The following EFNA5 variants were observed in gnomAD, a reference collection of about 807,000 sequenced individuals.
EFNA5 encodes the protein ephrin-A5.
A neutral mutation model predicts 22.9 loss-of-function variants in EFNA5; 5 were observed. That is an observed-to-expected ratio of 0.22 (90% CI 0.11 to 0.46). The LOEUF (loss-of-function observed/expected upper bound fraction) is 0.46. Ranked by LOEUF, EFNA5 falls within the 20% of genes least tolerant of loss-of-function variation. The probability of loss-of-function intolerance (pLI) is 0.99; values close to 1 mark genes in which losing one functional copy is unlikely to be tolerated. For missense variants in EFNA5, 237 were observed against 293.3 expected (o/e 0.81, Z 1.40); for synonymous variants, 113 against 112.2 (o/e 1.01, Z -0.04).
At chr5:107,658,122 A>C (rs1028117597) in intron 1 of EFNA5, among the ~76,000 whole-genome samples, 1 of 152,156 alleles carries the variant, frequency 6.6e-6, no homozygotes, top group African/African-American at 2.4e-5. Context: ...AGGCTCCTGA[A>C]AGCCACCCAC....
At chr5:107,535,964 A>C (rs1304985124) in intron 1 of EFNA5, among the ~76,000 whole-genome samples, 1 of 152,190 alleles carries the variant, frequency 6.6e-6, no homozygotes, top group Non-Finnish European at 1.5e-5. Flanking sequence ...TTTAAGGCAC[A>C]GTGCACCCTC....
chr5:107,659,613 T>C (rs747932066), intron 1 of EFNA5, among the ~76,000 whole-genome samples: 1 of 150,812 alleles, frequency 6.6e-6, no homozygotes, highest in Non-Finnish European at 1.5e-5. Context: ...AATAGAGAGA[T>C]TTACATAATA....
In EFNA5 at chr5:107,547,063, C is replaced by A. The variant is rs573419078; in HGVS notation, c.126-119554G>T. Among the ~76,000 whole-genome samples, 2 of 152,268 alleles carry A rather than the reference C, an allele frequency of 1.3e-5. 1 individual carries two copies. Among genetic ancestry groups the A allele is most frequent in the African/African-American group, 4.8e-5 (2 of 41,556 alleles). ...CACACAGACAAGCTCAAACTGACAA[C>A]CAAGCAACCACCAGTGGACTGTTTC... On this transcript the variant is annotated intron_variant, in intron 1 of 4. Transcript: ENST00000333274.
chr5:107,650,310 CTTG>C (rs1314396902), intron 1 of EFNA5, among the ~76,000 whole-genome samples: 2 of 152,280 alleles, frequency 1.3e-5, no homozygotes, highest in African/African-American at 4.8e-5. Flanking sequence ...CTTCCCCTTA[CTTG>C]TTGTCTCTCT....
At chr5:107,650,481 T>C (rs1017910087) in intron 1 of EFNA5, among the ~76,000 whole-genome samples, 1 of 152,156 alleles carries the variant, frequency 6.6e-6, no homozygotes, top group Non-Finnish European at 1.5e-5. Flanking sequence ...AGTGAGGGAT[T>C]TGGGACACAA....
intron 1 of EFNA5, among the ~76,000 whole-genome samples, chr5:107,655,951 C>A (rs148121222): frequency 2.0e-5 from 3 of 152,088 alleles, no homozygotes; most frequent in African/African-American, 7.2e-5. Flanking sequence ...TCAAGCAGAG[C>A]GTCAAGAGGT....
intron 1 of EFNA5, among the ~76,000 whole-genome samples, chr5:107,559,496 C>T (rs188114523): frequency 1.3e-5 from 2 of 152,178 alleles, no homozygotes; most frequent in Admixed American, 1.3e-4. Flanking sequence ...CACTCCCTAA[C>T]AGTTCTCTCA....
chr5:107,426,473 C>T (rs891158121), intron 2 of EFNA5, among the ~76,000 whole-genome samples: 4 of 152,098 alleles, frequency 2.6e-5, no homozygotes, highest in African/African-American at 7.2e-5. Context: ...ACACTATGCA[C>T]GGTGAAGTTT....
intron 1 of EFNA5, among the ~76,000 whole-genome samples, chr5:107,631,019 T>A (rs745354799): frequency 6.6e-6 from 1 of 152,164 alleles, no homozygotes; most frequent in Non-Finnish European, 1.5e-5. Context: ...TGTCACCTCC[T>A]ATGGTAACAA....
At chr5:107,665,253 G>A (rs1455106490) in intron 1 of EFNA5, among the ~76,000 whole-genome samples, 1 of 152,182 alleles carries the variant, frequency 6.6e-6, no homozygotes, top group Non-Finnish European at 1.5e-5. Flanking sequence ...GGGAGAAAAG[G>A]AGGCGCCCAT....
chr5:107,583,618 T>C (rs1166480078), intron 1 of EFNA5, among the ~76,000 whole-genome samples: 1 of 152,146 alleles, frequency 6.6e-6, no homozygotes. Context: ...TGGGTTACAC[T>C]ATGGCTAGGG....
chr5:107,566,740 C>A lies in EFNA5; in HGVS notation c.125+103749G>T, dbSNP rs373728867. On this transcript the variant is annotated intron_variant, in intron 1 of 4. Coordinates refer to ENST00000333274, the MANE Select transcript of EFNA5 (RefSeq NM_001962.3). Reference sequence around the variant, plus strand: ...TAGGGGAAGCAGAGGAGGATAAACACTGCCTGCGATACCATTTGGGTTTTA... The same window carrying A: ...TAGGGGAAGCAGAGGAGGATAAACAATGCCTGCGATACCATTTGGGTTTTA... Among the ~76,000 whole-genome samples, 25 of 152,348 alleles carry A rather than the reference C, an allele frequency of 1.6e-4. 1 individual carries two copies. The South Asian group carries it at 5.0e-3, about 30-fold the overall frequency.
chr5:107,467,067 A>C (rs1393502902), intron 1 of EFNA5, among the ~76,000 whole-genome samples: 5 of 152,194 alleles, frequency 3.3e-5, no homozygotes, highest in Admixed American at 6.5e-5. Flanking sequence ...ACAGTAATTT[A>C]CATTTAAATA....
chr5:107,393,586 G>C (rs1747841868), intron 2 of EFNA5, among the ~76,000 whole-genome samples: 1 of 152,128 alleles, frequency 6.6e-6, no homozygotes, highest in African/African-American at 2.4e-5. Flanking sequence ...GAGTGTGTGG[G>C]GGAGCGTTAA....
chr5:107,633,690 G>A (rs961610736), intron 1 of EFNA5, among the ~76,000 whole-genome samples: 2 of 152,128 alleles, frequency 1.3e-5, no homozygotes, highest in South Asian at 2.1e-4. Flanking sequence ...GCACAATGAA[G>A]GTCTGAATGT....
intron 1 of EFNA5, among the ~76,000 whole-genome samples, chr5:107,569,547 GTA>G (rs1254151483): frequency 9.6e-6 from 1 of 104,422 alleles, no homozygotes; most frequent in Non-Finnish European, 2.1e-5. Context: ...ATATATGTGT[GTA>G]TATATATATT....
intron 1 of EFNA5, among the ~76,000 whole-genome samples, chr5:107,495,271 C>G (rs1190528685): frequency 6.6e-6 from 1 of 152,248 alleles, no homozygotes; most frequent in Non-Finnish European, 1.5e-5. Context: ...AGGAGCCCAC[C>G]GGGAGGAACG....
intron 2 of EFNA5, among the ~76,000 whole-genome samples, chr5:107,412,164 C>T (rs1007465089): frequency 3.9e-5 from 6 of 152,104 alleles, no homozygotes; most frequent in Middle Eastern, 3.4e-3. Flanking sequence ...TAACTTTGGG[C>T]GACTTATTGA....
intron 1 of EFNA5, among the ~76,000 whole-genome samples, chr5:107,500,131 A>G (rs1470959714): frequency 6.6e-6 from 1 of 152,184 alleles, no homozygotes; most frequent in African/African-American, 2.4e-5. Context: ...CCACTCTTGG[A>G]TAGTGTCAAA....
Sources: allele counts gnomAD v4.1 joint callset (sites outside exome capture counted in the v4.1 genomes callset), GRCh38; gene constraint gnomAD v4.1.1; transcripts MANE v1.5; gene names NCBI Gene and HGNC (gene_info 2026-07-23, HGNC 2026-07-21).